Variants in ENTREP2 observed in about 807,000 individuals in gnomAD.
ENTREP2 encodes the protein endosomal transmembrane epsin interactor 2, also known as protein ENTREP2.
chr15:29,206,321 C>T, the ENTREP2 span, among the ~76,000 whole-genome samples: 5 of 152,284 alleles, frequency 3.3e-5, no homozygotes, highest in East Asian at 1.9e-4. Context: ...ACCTAATCAC[C>T]TCCCAAGGAC....
At chr15:29,436,844 T>A in the ENTREP2 span, among the ~76,000 whole-genome samples, 1 of 152,356 alleles carries the variant, frequency 6.6e-6, no homozygotes. Flanking sequence ...ATCTGTAACA[T>A]TACGGAATTT....
chr15:29,294,076 G>A, the ENTREP2 span, among the ~76,000 whole-genome samples: 1 of 152,172 alleles, frequency 6.6e-6, no homozygotes, highest in Non-Finnish European at 1.5e-5. Context: ...TGCCCACTAG[G>A]TCTGGTGCTC....
At chr15:29,215,114 G>C in the ENTREP2 span, among the ~76,000 whole-genome samples, 2 of 152,062 alleles carry the variant, frequency 1.3e-5, no homozygotes, top group Non-Finnish European at 2.9e-5. Flanking sequence ...ATGAATTTTG[G>C]AGCTCCAGTG....
the ENTREP2 span, among the ~76,000 whole-genome samples, chr15:29,440,799 G>A: frequency 1.3e-5 from 2 of 152,000 alleles, no homozygotes; most frequent in Non-Finnish European, 2.9e-5. Flanking sequence ...GCTCCTCCAG[G>A]GCCCGCTCCA....
At chr15:29,648,515 T>C in the ENTREP2 span, among the ~76,000 whole-genome samples, 1 of 152,214 alleles carries the variant, frequency 6.6e-6, no homozygotes, top group Non-Finnish European at 1.5e-5. Flanking sequence ...CCCAGGACTA[T>C]AGTACAGCAA....
the ENTREP2 span, among the ~76,000 whole-genome samples, chr15:29,254,377 C>T: frequency 2.0e-5 from 3 of 152,024 alleles, no homozygotes; most frequent in African/African-American, 4.8e-5. Context: ...TCCAGTAGAA[C>T]GTAACTGATT....
At chr15:29,668,615 A>G in the ENTREP2 span, among the ~76,000 whole-genome samples, 3 of 152,188 alleles carry the variant, frequency 2.0e-5, no homozygotes, top group African/African-American at 7.2e-5. Flanking sequence ...TACAACATGG[A>G]TTAACTTTGA....
the ENTREP2 span, chr15:29,269,231 C>T: frequency 1.2e-6 from 2 of 1,614,096 alleles, no homozygotes. Context: ...TCCACAGGCT[C>T]CAGGGTGTTG....
chr15:29,506,189 AAGTG>A, the ENTREP2 span, among the ~76,000 whole-genome samples: 1 of 152,170 alleles, frequency 6.6e-6, no homozygotes, highest in East Asian at 1.9e-4. Flanking sequence ...TAATGAAATA[AAGTG>A]TGAAGACAAG....
chr15:29,212,897 T>C, the ENTREP2 span, among the ~76,000 whole-genome samples: 1 of 152,206 alleles, frequency 6.6e-6, no homozygotes, highest in Admixed American at 6.5e-5. Context: ...TTGTCTAGGT[T>C]TTCTTCTAGG....
chr15:29,347,836 A>G, the ENTREP2 span, among the ~76,000 whole-genome samples: 2 of 152,222 alleles, frequency 1.3e-5, no homozygotes, highest in Non-Finnish European at 2.9e-5. Flanking sequence ...TGACAGGATC[A>G]AGGCATGTAG....
chr15:29,292,482 G>A, the ENTREP2 span, among the ~76,000 whole-genome samples: 1 of 152,040 alleles, frequency 6.6e-6, no homozygotes, highest in African/African-American at 2.4e-5. Context: ...CTGGGTTCAG[G>A]CAATTCTCCT....
At chr15:29,473,850 C>T in the ENTREP2 span, among the ~76,000 whole-genome samples, 1 of 152,190 alleles carries the variant, frequency 6.6e-6, no homozygotes, top group Non-Finnish European at 1.5e-5. Context: ...CTCTAGCACT[C>T]ATTCATGACA....
At chr15:29,206,033 AACACCAGCCCCAATG>A in the ENTREP2 span, among the ~76,000 whole-genome samples, 1 of 152,174 alleles carries the variant, frequency 6.6e-6, no homozygotes, top group Non-Finnish European at 1.5e-5. Context: ...GGGTCCCCAC[AACACCAGCCCCAATG>A]ACACAGGACG....
chr15:29,381,882 G>A, the ENTREP2 span: 2 of 1,511,930 alleles, frequency 1.3e-6, no homozygotes, highest in African/African-American at 1.4e-5. Context: ...AACCTTGCAT[G>A]GGCAATCAAA....
the ENTREP2 span, among the ~76,000 whole-genome samples, chr15:29,601,433 C>CT: frequency 0.11 from 16,305 of 142,382 alleles, 1,238 homozygotes; most frequent in East Asian, 0.27. Flanking sequence ...CCACCACCAC[C>CT]TTTTTTTTTT....
chr15:29,493,960 G>C, the ENTREP2 span, among the ~76,000 whole-genome samples: 1 of 152,126 alleles, frequency 6.6e-6, no homozygotes, highest in African/African-American at 2.4e-5. Flanking sequence ...CTGGCCAATA[G>C]AGTGAGACTC....
the ENTREP2 span, among the ~76,000 whole-genome samples, chr15:29,379,092 G>GAACT: frequency 2.0e-5 from 3 of 152,218 alleles, no homozygotes; most frequent in Non-Finnish European, 2.9e-5. Context: ...CTGCAGTGCA[G>GAACT]AACTGCCTCT....
the ENTREP2 span, among the ~76,000 whole-genome samples, chr15:29,664,688 T>C: frequency 6.6e-6 from 1 of 152,170 alleles, no homozygotes; most frequent in Non-Finnish European, 1.5e-5. Flanking sequence ...GTGATAGTTA[T>C]AACAGCCTGC....
Sources: gnomAD v4.1 joint callset for allele counts (sites outside exome capture counted in the v4.1 genomes callset) on GRCh38, gnomAD v4.1.1 for gene constraint, MANE v1.5 for transcripts, NCBI Gene and HGNC (gene_info 2026-07-23, HGNC 2026-07-21) for gene names.